MBNL2: variants seen among roughly 807,000 people sequenced by gnomAD.
The protein encoded by MBNL2 is muscleblind-like protein 2.
Under a neutral mutation model 41.9 loss-of-function variants are expected in MBNL2, and 17 were observed. The observed-to-expected ratio is 0.41, with a 90% CI of 0.28 to 0.61. The LOEUF is 0.61. Ranked by LOEUF, MBNL2 falls within the 20% of genes least tolerant of loss-of-function variation. The pLI is 0.35. For synonymous variants in MBNL2, 195 were observed against 182.9 expected (o/e 1.07, Z -0.53); for missense variants, 336 against 505.6 (o/e 0.66, Z 3.22).
chr13:97,339,719 T>G (rs1168226481), intron 3 of MBNL2, among the ~76,000 whole-genome samples: 2 of 152,042 alleles, frequency 1.3e-5, no homozygotes, highest in Admixed American at 1.3e-4. Context: ...ATTCAGGATC[T>G]GAGAACCACT....
chr13:97,268,775 A>C lies in MBNL2; in HGVS notation c.-604-6857A>C, dbSNP rs1434038148. ...TCAAAAATAATAGGCAAAGTCTATC[A>C]GATACCTGAGGCAAACCCTGTAGGA... On this transcript the variant is annotated intron_variant, in intron 1 of 8. Coordinates refer to ENST00000679496, the MANE Select transcript of MBNL2 (RefSeq NM_001382683.1). The surrounding 1 kb of genome is among the most constrained non-coding windows in gnomAD (Gnocchi z 4.6). Among the ~76,000 whole-genome samples, 1 of 152,254 alleles carries C rather than the reference A, an allele frequency of 6.6e-6. No individual in the cohort carries two copies. The highest frequency in any genetic ancestry group is 1.5e-5 in the Non-Finnish European group (1 of 68,044).
At chr13:97,250,800 G>A (rs1003452343) in intron 1 of MBNL2, among the ~76,000 whole-genome samples, 12 of 152,242 alleles carry the variant, frequency 7.9e-5, no homozygotes, top group Non-Finnish European at 1.2e-4. Flanking sequence ...CTAAGTAGAA[G>A]GCTCCTTGAT....
chr13:97,168,864 T>G, the MBNL2 span, among the ~76,000 whole-genome samples: 1 of 152,222 alleles, frequency 6.6e-6, no homozygotes, highest in African/African-American at 2.4e-5. Context: ...TGCTTTCTCA[T>G]GCCTTGTCTC....
At chr13:97,203,912 GGA>G in the MBNL2 span, among the ~76,000 whole-genome samples, 4 of 151,932 alleles carry the variant, frequency 2.6e-5, no homozygotes, top group South Asian at 2.1e-4. Context: ...ATGGATGGAT[GGA>G]TGGACGGACG....
chr13:97,237,127 C>T (rs2043422412), intron 1 of MBNL2, among the ~76,000 whole-genome samples: 1 of 152,202 alleles, frequency 6.6e-6, no homozygotes, highest in Non-Finnish European at 1.5e-5. Flanking sequence ...GGGTCATCAA[C>T]ACAGATTTGA....
the MBNL2 span, among the ~76,000 whole-genome samples, chr13:97,187,150 C>T: frequency 5.3e-4 from 80 of 152,258 alleles, 4 homozygotes; most frequent in South Asian, 0.013. Flanking sequence ...AAGAAATGCA[C>T]AAACCAAGTT....
the MBNL2 span, among the ~76,000 whole-genome samples, chr13:97,152,389 C>A: frequency 6.6e-6 from 1 of 152,024 alleles, no homozygotes; most frequent in East Asian, 1.9e-4. Flanking sequence ...CCAAGAAATA[C>A]AACAAATAAA....
intron 2 of MBNL2, among the ~76,000 whole-genome samples, chr13:97,315,845 C>T (rs193146471): frequency 1.5e-4 from 22 of 151,626 alleles, no homozygotes; most frequent in Admixed American, 1.2e-3. Context: ...AGGCCTTACT[C>T]GTGGGTGAGG....
chr13:97,193,323 G>A, the MBNL2 span, among the ~76,000 whole-genome samples: 1 of 152,230 alleles, frequency 6.6e-6, no homozygotes, highest in African/African-American at 2.4e-5. Flanking sequence ...AGTTGATGGG[G>A]CCCAAGGGCC....
chr13:97,359,762 T>C (rs2063261952), intron 7 of MBNL2, among the ~76,000 whole-genome samples: 1 of 152,188 alleles, frequency 6.6e-6, no homozygotes, highest in Admixed American at 6.5e-5. Context: ...CTAGAAGGGT[T>C]TCCATTTCTT....
At chr13:97,226,859 TA>T (rs35785226) in intron 1 of MBNL2, among the ~76,000 whole-genome samples, 130 of 152,176 alleles carry the variant, frequency 8.5e-4, no homozygotes, top group Non-Finnish European at 1.6e-3. Context: ...ACATATCATC[TA>T]AAAAGCTGTA....
intron 1 of MBNL2, among the ~76,000 whole-genome samples, chr13:97,227,834 A>C (rs893402457): frequency 6.6e-6 from 1 of 152,138 alleles, no homozygotes; most frequent in Non-Finnish European, 1.5e-5. Context: ...AGACAGGTTG[A>C]TTTGCTTTGC....
At chr13:97,232,849 CTATGTGTG>C (rs1443941551) in intron 1 of MBNL2, among the ~76,000 whole-genome samples, 1 of 97,752 alleles carries the variant, frequency 1.0e-5, no homozygotes, top group Non-Finnish European at 1.8e-5. Flanking sequence ...ACTCTTGACG[CTATGTGTG>C]TGTGTGTGTG....
At chr13:97,266,576 G>A (rs550979404) in intron 1 of MBNL2, among the ~76,000 whole-genome samples, 8 of 152,260 alleles carry the variant, frequency 5.3e-5, no homozygotes, top group South Asian at 2.1e-4. Flanking sequence ...CCGCCCAGGC[G>A]TCTGCATCTG....
At chr13:97,389,916 T>C (rs2066264150) in intron 8 of MBNL2, among the ~76,000 whole-genome samples, 1 of 152,046 alleles carries the variant, frequency 6.6e-6, no homozygotes, top group Non-Finnish European at 1.5e-5. Flanking sequence ...ATCTAGAAAA[T>C]TTGAATATTA....
At chr13:97,288,894 C>G (rs1318332838) in intron 2 of MBNL2, among the ~76,000 whole-genome samples, 1 of 152,174 alleles carries the variant, frequency 6.6e-6, no homozygotes, top group Non-Finnish European at 1.5e-5. Context: ...TCCTGCCTGA[C>G]CAAACAGCAT....
In MBNL2 at chr13:97,366,473, A is replaced by G; in HGVS notation, c.1048+1302A>G. 1 of 1,602,714 alleles carries G rather than the reference A, an allele frequency of 6.2e-7. No individual in the cohort carries two copies. The highest frequency in any genetic ancestry group is 8.5e-7 in the Non-Finnish European group (1 of 1,169,984). On this transcript the variant is annotated intron_variant, in intron 8 of 8. Transcript: ENST00000679496. The surrounding 1 kb of genome is among the most constrained non-coding windows in gnomAD (Gnocchi z 4.7). ...CCTCCTGAAAGTACCCATGATGCAC[A>G]GCGCTACGTCCGCCACTGTCTCTGC...
In MBNL2 at chr13:97,339,797, G is replaced by C. The variant is rs796850061; in HGVS notation, c.340-3219G>C. Among the ~76,000 whole-genome samples the C allele has an allele frequency of 5.3e-5, 8 of 150,062 alleles. 1 individual carries two copies. Among genetic ancestry groups the C allele is most frequent in the African/African-American group, 2.0e-4 (8 of 40,402 alleles). ...AGAAGGCCCAGGCTGGCTGTGGGTCGTGTTCCTGTGCAACTCTCCACCAAA... is the reference window on the plus strand; with the variant it reads ...AGAAGGCCCAGGCTGGCTGTGGGTCCTGTTCCTGTGCAACTCTCCACCAAA... On this transcript the variant is annotated intron_variant, in intron 3 of 8. Transcript: ENST00000679496.
the MBNL2 span, among the ~76,000 whole-genome samples, chr13:97,180,745 A>AT: frequency 4.7e-4 from 69 of 147,274 alleles, 1 homozygote; most frequent in South Asian, 2.3e-3. Flanking sequence ...CCATCTAAAA[A>AT]AAAAAAAAAA....
Sources: allele counts gnomAD v4.1 joint callset (sites outside exome capture counted in the v4.1 genomes callset), GRCh38; gene constraint gnomAD v4.1.1; non-coding constraint Gnocchi (gnomAD v3.1); transcripts MANE v1.5; gene names NCBI Gene and HGNC (gene_info 2026-07-23, HGNC 2026-07-21).